ELMO1: variants seen among roughly 807,000 people sequenced by gnomAD.
ELMO1 encodes engulfment and cell motility protein 1.
Under a neutral mutation model 98.9 loss-of-function variants are expected in ELMO1, and 26 were observed. That is an observed-to-expected ratio of 0.26 (90% CI 0.19 to 0.36). ELMO1 has a LOEUF of 0.36. Among genes scored for constraint, ELMO1 ranks in the 10% least tolerant of loss-of-function variants. The pLI, the probability that ELMO1 is intolerant of heterozygous loss-of-function variation, is 1.00. For missense variants in ELMO1, 627 were observed against 935.2 expected (o/e 0.67, Z 4.30); for synonymous variants, 346 against 346.0 (o/e 1.00, Z 0.00).
intron 15 of ELMO1, among the ~76,000 whole-genome samples, chr7:37,064,474 A>T (rs1796845083): frequency 6.6e-6 from 1 of 152,152 alleles, no homozygotes; most frequent in African/African-American, 2.4e-5. Context: ...GCCTTGGGCT[A>T]ACTACTTCAC....
At chr7:37,226,474 G>A (rs939680294) in intron 8 of ELMO1, among the ~76,000 whole-genome samples, 56 of 152,154 alleles carry the variant, frequency 3.7e-4, no homozygotes, top group African/African-American at 1.3e-3. Context: ...TGTGTTCAGG[G>A]TTTAATACTT....
At chr7:37,072,040 A>C (rs1797302706) in intron 15 of ELMO1, among the ~76,000 whole-genome samples, 1 of 152,208 alleles carries the variant, frequency 6.6e-6, no homozygotes, top group African/African-American at 2.4e-5. Flanking sequence ...TTTATTTTAA[A>C]TCTAAAAGTA....
At chr7:36,926,971 T>C (rs1454997055) in intron 16 of ELMO1, among the ~76,000 whole-genome samples, 3 of 152,234 alleles carry the variant, frequency 2.0e-5, no homozygotes, top group Non-Finnish European at 4.4e-5. Flanking sequence ...GATTAGTTCC[T>C]ATGGGAATTG....
intron 3 of ELMO1, 24 bp downstream of exon 3, chr7:37,315,896 A>T: frequency 6.3e-7 from 1 of 1,580,832 alleles, no homozygotes; most frequent in South Asian, 1.2e-5. Flanking sequence ...AGAATGCCTT[A>T]GATAAATCCT....
At chr7:37,156,603 C>T (rs936748623) in intron 13 of ELMO1, among the ~76,000 whole-genome samples, 2 of 152,138 alleles carry the variant, frequency 1.3e-5, no homozygotes, top group Non-Finnish European at 2.9e-5. Context: ...CACATACACC[C>T]TCCCAAGACT....
At chr7:37,401,995 T>G (rs2131462216) in intron 1 of ELMO1, among the ~76,000 whole-genome samples, 1 of 152,366 alleles carries the variant, frequency 6.6e-6, no homozygotes. Flanking sequence ...CTGTCTACTC[T>G]TCACCAAACC....
intron 20 of ELMO1, among the ~76,000 whole-genome samples, chr7:36,869,227 A>T (rs1803310151): frequency 6.8e-6 from 1 of 147,904 alleles, no homozygotes; most frequent in Non-Finnish European, 1.5e-5. Flanking sequence ...TTACATGACA[A>T]TGCTGTGATG....
chr7:37,283,390 G>C (rs1797237481), intron 4 of ELMO1, among the ~76,000 whole-genome samples: 1 of 152,208 alleles, frequency 6.6e-6, no homozygotes. Flanking sequence ...CACATGATAG[G>C]AGCCAGCACA....
intron 14 of ELMO1, among the ~76,000 whole-genome samples, chr7:37,127,724 A>G (rs1486099686): frequency 6.6e-6 from 1 of 151,996 alleles, no homozygotes; most frequent in African/African-American, 2.4e-5. Flanking sequence ...TTTCTTAAGT[A>G]TTTCTTATTA....
intron 20 of ELMO1, among the ~76,000 whole-genome samples, chr7:36,866,207 A>G (rs1803022553): frequency 6.6e-6 from 1 of 152,218 alleles, no homozygotes; most frequent in African/African-American, 2.4e-5. Context: ...TATAAATTAT[A>G]GAGTTTGAAT....
intron 2 of ELMO1, among the ~76,000 whole-genome samples, chr7:37,335,834 C>A (rs1300724610): frequency 6.6e-6 from 1 of 152,172 alleles, no homozygotes; most frequent in Non-Finnish European, 1.5e-5. Context: ...TGGATCCCCT[C>A]GCCTGATGAG....
chr7:37,317,581 A>C (rs145361749), intron 2 of ELMO1, among the ~76,000 whole-genome samples: 1,571 of 152,320 alleles, frequency 0.01, 31 homozygotes, highest in African/African-American at 0.036. Context: ...AGAAAGACAA[A>C]CATCACATGT....
intron 15 of ELMO1, among the ~76,000 whole-genome samples, chr7:37,036,754 G>A (rs1795195664): frequency 6.6e-6 from 1 of 152,182 alleles, no homozygotes. Context: ...GGCCACACAT[G>A]TAGGTGCCGG....
chr7:36,882,791 T>C (rs187873068), intron 18 of ELMO1, among the ~76,000 whole-genome samples: 86 of 152,316 alleles, frequency 5.6e-4, no homozygotes, highest in African/African-American at 1.7e-3. Flanking sequence ...TCTCAGAACA[T>C]ATTTGTAGTT....
intron 16 of ELMO1, among the ~76,000 whole-genome samples, chr7:36,988,241 A>C (rs1390006535): frequency 6.6e-6 from 1 of 152,202 alleles, no homozygotes; most frequent in Non-Finnish European, 1.5e-5. Context: ...TGGATGGCTC[A>C]GGTTTTCTCT....
In ELMO1 at chr7:37,244,359, G is replaced by A. The variant is rs767193273; in HGVS notation, c.446C>T (p.Pro149Leu). ...RYQKLQKIMK[P>L]CFGDMLSFTL... ...TCAATCGATCAAATATTCTTACCAAGGCTTCATGATCTTCTGCAATTTCTG... is the reference window on the plus strand; with the variant it reads ...TCAATCGATCAAATATTCTTACCAAAGCTTCATGATCTTCTGCAATTTCTG... The change falls in exon 7 of 22, where the codon CCT becomes CTT. Residue 149 changes from proline to leucine, a missense_variant. Pro to Leu is a moderately conservative substitution (Grantham distance 98). Coordinates refer to ENST00000310758, the MANE Select transcript of ELMO1 (RefSeq NM_014800.11). 3 of 1,612,588 alleles carry A rather than the reference G, an allele frequency of 1.9e-6. No homozygotes were observed. Among genetic ancestry groups the A allele is most frequent in the Admixed American group, 1.7e-5 (1 of 59,806 alleles).
chr7:37,428,773 T>C (rs1056126182), intron 1 of ELMO1, among the ~76,000 whole-genome samples: 7 of 152,236 alleles, frequency 4.6e-5, no homozygotes, highest in Non-Finnish European at 7.3e-5. Context: ...AAACATACGA[T>C]GTATAGTGCT....
chr7:36,921,908 G>T (rs149949009), intron 16 of ELMO1, among the ~76,000 whole-genome samples: 1 of 152,172 alleles, frequency 6.6e-6, no homozygotes, highest in East Asian at 1.9e-4. Flanking sequence ...GTAAGACCCC[G>T]CTGCGTATGC....
chr7:36,955,650 CAG>C (rs1788384225), intron 16 of ELMO1, among the ~76,000 whole-genome samples: 6 of 152,282 alleles, frequency 3.9e-5, no homozygotes, highest in South Asian at 4.2e-4. Flanking sequence ...CCAGGAAACT[CAG>C]AGTCTTTTCC....
Sources: allele counts gnomAD v4.1 joint callset (sites outside exome capture counted in the v4.1 genomes callset), GRCh38; gene constraint gnomAD v4.1.1; transcripts MANE v1.5; gene names NCBI Gene and HGNC (gene_info 2026-07-23, HGNC 2026-07-21).